The following ENPP4 variants were observed in gnomAD, a reference collection of about 807,000 sequenced individuals.
ENPP4 encodes the protein bis(5'-adenosyl)-triphosphatase ENPP4.
A neutral mutation model predicts 33.4 loss-of-function variants in ENPP4; 18 were observed. That is an observed-to-expected ratio of 0.54 (90% CI 0.37 to 0.80). ENPP4 has a LOEUF of 0.80. Among genes scored for constraint, ENPP4 ranks in the 30% least tolerant of loss-of-function variants. The pLI is 0.00. For synonymous variants in ENPP4, 172 were observed against 189.9 expected, an observed-to-expected ratio of 0.91 and a Z score of 0.78; for missense variants, 480 against 541.7, an observed-to-expected ratio of 0.89 and a Z score of 1.13.
At position 46,139,918 on chromosome 6, in the gene ENPP4, G is replaced by C. The variant is rs775322000; in HGVS notation, c.335G>C (p.Trp112Ser). 1 of 1,612,788 alleles carries C rather than the reference G, an allele frequency of 6.2e-7. No individual in the cohort carries two copies. Among genetic ancestry groups the C allele is most frequent in the South Asian group, 1.1e-5 (1 of 91,062 alleles). The part of the protein sequence containing the change: ...FSDSNDKDPF[W>S]WNEAVPIWVT... Reference sequence around the variant, plus strand: ...GACTCTAATGACAAGGATCCTTTTTGGTGGAATGAGGCAGTACCTATTTGG... The same window carrying C: ...GACTCTAATGACAAGGATCCTTTTTCGTGGAATGAGGCAGTACCTATTTGG... The change falls in exon 2 of 4, where the codon TGG becomes TCG. Residue 112 changes from tryptophan to serine, a missense_variant. Trp to Ser is a radical substitution (Grantham distance 177). Coordinates refer to ENST00000321037, the MANE Select transcript of ENPP4 (RefSeq NM_014936.5).
chr6:46,135,984 C>G (rs886699237), intron 1 of ENPP4, among the ~76,000 whole-genome samples: 1 of 151,866 alleles, frequency 6.6e-6, no homozygotes, highest in African/African-American at 2.4e-5. Context: ...TGTGATATTC[C>G]ATTTGTAGTA....
chr6:46,133,277 C>T (rs965791928), intron 1 of ENPP4, among the ~76,000 whole-genome samples: 1 of 152,074 alleles, frequency 6.6e-6, no homozygotes, highest in African/African-American at 2.4e-5. Context: ...TAGAATCCTA[C>T]GATTTTTAAG....
At chr6:46,143,008 G>T (rs189464963) in intron 3 of ENPP4, among the ~76,000 whole-genome samples, 1 of 151,592 alleles carries the variant, frequency 6.6e-6, no homozygotes, top group Non-Finnish European at 1.5e-5. Flanking sequence ...ATTGGTACTC[G>T]GGCTGAAAGA....
Position 46,143,518 on chromosome 6 carries a change from T to A in ENPP4, c.1240T>A (p.Ser414Thr), listed in dbSNP as rs545055303. 5.0e-6 allele frequency: 8 copies of A among 1,612,904 alleles called. No homozygotes were observed. The South Asian group carries it at 6.6e-5, about 13-fold the overall frequency. The change falls in exon 4 of 4, where the codon TCA (serine) becomes ACA (threonine). Residue 414 changes from serine to threonine, a missense_variant. By Grantham distance (58) the Ser-to-Thr change is moderately conservative. Around this residue, in one of 3 missense-constraint regions of ENPP4, gnomAD observed 249 missense variants for 251.8 expected, o/e 0.99. Coordinates refer to ENST00000321037, the MANE Select transcript of ENPP4 (RefSeq NM_014936.5). ...LPEAIAIVIG[S>T]LLVLTMLTCL... The stretch of plus-strand genomic sequence containing the variant: ...AGAAGCCATCGCGATTGTTATCGGT[T>A]CACTCTTGGTGTTAACCATGCTAAC...
At chr6:46,138,400 AG>A (rs1398018088) in intron 1 of ENPP4, among the ~76,000 whole-genome samples, 1 of 151,906 alleles carries the variant, frequency 6.6e-6, no homozygotes, top group Non-Finnish European at 1.5e-5. Flanking sequence ...AGAGAAAACC[AG>A]TCAACTGTGT....
In ENPP4 at chr6:46,139,546, T is replaced by A. The variant is rs1382932417; in HGVS notation, c.-33-5T>A. On this transcript the variant is annotated splice_polypyrimidine_tract_variant and splice_region_variant and intron_variant, in intron 1 of 3. Coordinates refer to ENST00000321037, the MANE Select transcript of ENPP4 (RefSeq NM_014936.5). ...CTACTTATGAGTTGTGTTTTTACAT[T>A]TTAGGAACCCTGATTGCTGTCCTTC... 8.9e-7 allele frequency: 1 copy of A among 1,119,374 alleles called. No individual in the cohort carries two copies. Among genetic ancestry groups the A allele is most frequent in the Non-Finnish European group, 1.3e-6 (1 of 746,826 alleles). 69.3% of individuals were successfully genotyped at this position (1,119,374 alleles called of 1,614,324 possible). A position where few individuals can be genotyped will look rare whatever the true frequency, so the allele number is the denominator to read the frequency against.
chr6:46,137,760 A>T (rs910179), intron 1 of ENPP4, among the ~76,000 whole-genome samples: 67,848 of 151,592 alleles, frequency 0.45, 16,453 homozygotes, highest in Middle Eastern at 0.68. Flanking sequence ...CATGCACCAC[A>T]TTCAGAAGGC....
chr6:46,141,256 C>T (rs1158426075), intron 3 of ENPP4, 34 bp downstream of exon 3: 2 of 1,513,142 alleles, frequency 1.3e-6, no homozygotes, highest in Non-Finnish European at 1.8e-6. Flanking sequence ...CTGTTGTATC[C>T]TAGGAACAAA....
At position 46,139,831 on chromosome 6, in the gene ENPP4, A is replaced by G; in HGVS notation, c.248A>G (p.Glu83Gly). 6.2e-7 allele frequency: 1 copy of G among 1,612,612 alleles called. No individual in the cohort carries two copies. Among genetic ancestry groups the G allele is most frequent in the Non-Finnish European group, 8.5e-7 (1 of 1,179,026 alleles). The change falls in exon 2 of 4, where the codon GAA (glutamate) becomes GGA (glycine). Residue 83 changes from glutamate to glycine, a missense_variant. Around this residue, in one of 3 missense-constraint regions of ENPP4, gnomAD observed 227 missense variants for 273.7 expected, o/e 0.83. Coordinates refer to ENST00000321037, the MANE Select transcript of ENPP4 (RefSeq NM_014936.5). The part of the protein sequence containing the change: ...NHYSIVTGLY[E>G]ESHGIVANSM... ...TACAGTATTGTGACAGGCTTGTATG[A>G]AGAAAGCCATGGCATTGTGGCTAAT...
Position 46,146,028 on chromosome 6 carries a change from C to T in ENPP4, c.*2388C>T, listed in dbSNP as rs983134564. The T allele has an allele frequency of 2.6e-5, 4 of 151,728 alleles. No individual in the cohort carries two copies. Among genetic ancestry groups the T allele is most frequent in the African/African-American group, 9.7e-5 (4 of 41,370 alleles). The allele number at this position is 151,728 out of a possible 1,614,324, so 9.4% of individuals were successfully genotyped here. ...ATTTTGTTAAATAACTAACATGCTG[C>T]TCTATTTTCTGGGTGTAGAAAGTAT... is the stretch of plus-strand genomic sequence containing the variant. On this transcript the variant is annotated 3_prime_UTR_variant, in exon 4 of 4. Coordinates refer to ENST00000321037, the MANE Select transcript of ENPP4 (RefSeq NM_014936.5).
At chr6:46,141,596 T>G in intron 3 of ENPP4, among the ~76,000 whole-genome samples, 1 of 151,656 alleles carries the variant, frequency 6.6e-6, no homozygotes, top group East Asian at 1.9e-4. Context: ...TGAGTAACCC[T>G]AAGTCTTCCC....
At position 46,146,420 on chromosome 6, in the gene ENPP4, G is replaced by C. The variant is rs1401467287; in HGVS notation, c.*2780G>C. The stretch of plus-strand genomic sequence containing the variant: ...TATTGCATTTAATTCCTTTTATTTG[G>C]AGGGTTTTACTTCCTTGTTAACATA... On this transcript the variant is annotated 3_prime_UTR_variant, in exon 4 of 4. Coordinates refer to ENST00000321037, the MANE Select transcript of ENPP4 (RefSeq NM_014936.5). 2.0e-5 allele frequency: 3 copies of C among 152,164 alleles called. No individual in the cohort carries two copies. Among genetic ancestry groups the C allele is most frequent in the Non-Finnish European group, 4.4e-5 (3 of 67,802 alleles). The allele number at this position is 152,164 out of a possible 1,614,324, so 9.4% of individuals were successfully genotyped here. A position where few individuals can be genotyped will look rare whatever the true frequency, so the allele number is the denominator to read the frequency against.
rs1764112539 is a variant in ENPP4, at chr6:46,144,343, A to T, written c.*703A>T. Reference sequence around the variant, plus strand: ...TTAAAAAATTCAGAAGAAAAGAGAGACAAGTGCTCTTCTCTCTATCTATGC... The same window carrying T: ...TTAAAAAATTCAGAAGAAAAGAGAGTCAAGTGCTCTTCTCTCTATCTATGC... On this transcript the variant is annotated 3_prime_UTR_variant, in exon 4 of 4. Coordinates refer to ENST00000321037, the MANE Select transcript of ENPP4 (RefSeq NM_014936.5). The T allele has an allele frequency of 6.6e-6, 1 of 151,818 alleles. No individual in the cohort carries two copies. The highest frequency in any genetic ancestry group is 2.1e-4 in the South Asian group (1 of 4,826). The allele number at this position is 151,818 out of a possible 1,614,324, so 9.4% of individuals were successfully genotyped here.
In ENPP4 at chr6:46,143,800, G is replaced by T; in HGVS notation, c.*160G>T. 4.2e-6 allele frequency: 3 copies of T among 722,794 alleles called. No homozygotes were observed. Among genetic ancestry groups the T allele is most frequent in the South Asian group, 2.2e-5 (1 of 46,078 alleles). The allele number at this position is 722,794 out of a possible 1,614,324, so 44.8% of individuals were successfully genotyped here. Reference sequence around the variant, plus strand: ...CTTTGTTTTCCTTGTGTTTTGTTTCGGTGCATTTGCTAATAAGATAACGCT... The same window carrying T: ...CTTTGTTTTCCTTGTGTTTTGTTTCTGTGCATTTGCTAATAAGATAACGCT... On this transcript the variant is annotated 3_prime_UTR_variant, in exon 4 of 4. Coordinates refer to ENST00000321037, the MANE Select transcript of ENPP4 (RefSeq NM_014936.5).
Position 46,143,218 on chromosome 6 carries a change from G to A in ENPP4, c.998-58G>A, listed in dbSNP as rs1764093651. 6 of 1,488,926 alleles carry A rather than the reference G, an allele frequency of 4.0e-6. No individual in the cohort carries two copies. In the East Asian group the frequency reaches 1.4e-4, roughly 34 times the overall value. 92.2% of individuals were successfully genotyped at this position (1,488,926 alleles called of 1,614,324 possible). A position where few individuals can be genotyped will look rare whatever the true frequency, so the allele number is the denominator to read the frequency against. On this transcript the variant is annotated intron_variant, in intron 3 of 3. Transcript: ENST00000321037. The stretch of plus-strand genomic sequence containing the variant: ...TTGAATGTTTATATACTAGAAGCAA[G>A]TTATTTTGTCCTAAAAAGTCTGATC...
In ENPP4 at chr6:46,145,170, AAT is replaced by A; in HGVS notation, c.*1533_*1534del. 1 of 361,976 alleles carries A rather than the reference AAT, an allele frequency of 2.8e-6. No individual in the cohort carries two copies. Among genetic ancestry groups the A allele is most frequent in the South Asian group, 1.5e-4 (1 of 6,716 alleles). 22.4% of individuals were successfully genotyped at this position (361,976 alleles called of 1,614,324 possible). On this transcript the variant is annotated 3_prime_UTR_variant, in exon 4 of 4. Coordinates refer to ENST00000321037, the MANE Select transcript of ENPP4 (RefSeq NM_014936.5). Reference sequence around the variant, plus strand: ...GTATAATAAATATGCAGCCCAGTTAAATATTGATTATCTGTGATGGTAAAGAA... The same window carrying A: ...GTATAATAAATATGCAGCCCAGTTAAATTGATTATCTGTGATGGTAAAGAA...
intron 1 of ENPP4, among the ~76,000 whole-genome samples, chr6:46,131,082 C>G (rs1486227908): frequency 6.6e-6 from 1 of 152,026 alleles, no homozygotes; most frequent in Admixed American, 6.6e-5. Context: ...TTCCCCCCAC[C>G]TCCACTTAAA....
chr6:46,132,522 T>C (rs968678295), intron 1 of ENPP4, among the ~76,000 whole-genome samples: 1 of 152,234 alleles, frequency 6.6e-6, no homozygotes, highest in Non-Finnish European at 1.5e-5. Flanking sequence ...ATATCTCTGT[T>C]TTGGTACCAG....
chr6:46,139,393 T>G (rs540279412), intron 1 of ENPP4, among the ~76,000 whole-genome samples, 158 bp from the exon 2 acceptor site: 1 of 151,820 alleles, frequency 6.6e-6, no homozygotes, highest in South Asian at 2.1e-4. Flanking sequence ...TTTTCCAATT[T>G]TAGCTTTTAG....
Sources: allele counts gnomAD v4.1 joint callset (sites outside exome capture counted in the v4.1 genomes callset), GRCh38; gene constraint gnomAD v4.1.1; regional missense constraint gnomAD v4.1.1; transcripts MANE v1.5; gene names NCBI Gene and HGNC (gene_info 2026-07-23, HGNC 2026-07-21).